The following UFD1 variants were observed in gnomAD, a reference collection of about 807,000 sequenced individuals.
The protein encoded by UFD1 is ubiquitin recognition factor in ER associated degradation 1, also known as ubiquitin recognition factor in ER-associated degradation protein 1.
UFD1 carries 13 observed loss-of-function variants against 45.9 expected under a neutral mutation model. The observed-to-expected ratio is 0.28, with a 90% CI of 0.18 to 0.45. The LOEUF (loss-of-function observed/expected upper bound fraction) is 0.45. Among genes scored for constraint, UFD1 ranks in the 20% least tolerant of loss-of-function variants. The pLI is 1.00. For synonymous variants in UFD1, 128 were observed against 139.2 expected, an observed-to-expected ratio of 0.92 and a Z score of 0.56; for missense variants, 218 against 389.2, an observed-to-expected ratio of 0.56 and a Z score of 3.70.
At chr22:19,451,233 C>G (rs920980024) in intron 11 of UFD1, 2 of 986,426 alleles carry the variant, frequency 2.0e-6, no homozygotes, top group Non-Finnish European at 2.4e-6. Context: ...AAATCTCATG[C>G]CAATAAACTT....
Position 19,454,031 on chromosome 22 carries a change from G to T in UFD1, c.849+718C>A, listed in dbSNP as rs2089702910. ...CATGTCTACAGGATGCTCAGCCCTTGCCTTCCTCTGTCCCGCCACCACCCT... is the reference window on the plus strand; with the variant it reads ...CATGTCTACAGGATGCTCAGCCCTTTCCTTCCTCTGTCCCGCCACCACCCT... On this transcript the variant is annotated intron_variant, in intron 11 of 11. Coordinates refer to ENST00000263202, the MANE Select transcript of UFD1 (RefSeq NM_005659.7). 7.1e-6 allele frequency: 7 copies of T among 985,676 alleles called. No homozygotes were observed. The South Asian group carries it at 3.3e-4, about 46-fold the overall frequency. The allele number at this position is 985,676 out of a possible 1,614,324, so 61.1% of individuals were successfully genotyped here.
intron 11 of UFD1, chr22:19,451,772 T>C (rs2089684697): frequency 1.0e-6 from 1 of 985,472 alleles, no homozygotes; most frequent in African/African-American, 1.7e-5. Flanking sequence ...CATCCTGGTG[T>C]CAATAGCTGT....
rs1234093769 is a variant in UFD1, at chr22:19,450,154, T to C, written c.*516A>G. ...TTGAAAAAAATATGTAAAATAAAAA[T>C]AGAAACATTCTTTGTCAAATACTTA... On this transcript the variant is annotated 3_prime_UTR_variant, in exon 12 of 12. Coordinates refer to ENST00000263202, the MANE Select transcript of UFD1 (RefSeq NM_005659.7). 2 of 152,474 alleles carry C rather than the reference T, an allele frequency of 1.3e-5. No individual in the cohort carries two copies. The highest frequency in any genetic ancestry group is 1.5e-5 in the Non-Finnish European group (1 of 68,266). 9.4% of individuals were successfully genotyped at this position (152,474 alleles called of 1,614,324 possible). A position where few individuals can be genotyped will look rare whatever the true frequency, so the allele number is the denominator to read the frequency against.
chr22:19,478,409 A>T (rs934876996), intron 1 of UFD1, among the ~76,000 whole-genome samples: 3 of 152,198 alleles, frequency 2.0e-5, no homozygotes, highest in Non-Finnish European at 4.4e-5. Flanking sequence ...TCCAGTCCCT[A>T]CTTCTGTGAC....
chr22:19,458,265 A>G, intron 6 of UFD1, 126 bp from the exon 7 acceptor site: 7 of 939,694 alleles, frequency 7.4e-6, no homozygotes, highest in Non-Finnish European at 1.2e-5. Context: ...GACACAACCT[A>G]CAGCTGCACT....
chr22:19,472,298 A>C (rs1323687738), intron 3 of UFD1, among the ~76,000 whole-genome samples: 1 of 152,128 alleles, frequency 6.6e-6, no homozygotes, highest in East Asian at 1.9e-4. Context: ...TGGCAGCCTG[A>C]GCAAAGGCGT....
intron 11 of UFD1, chr22:19,453,166 G>C: frequency 1.0e-6 from 1 of 985,388 alleles, no homozygotes; most frequent in Non-Finnish European, 1.2e-6. Context: ...AGCTCTAACT[G>C]CTTAGTAACA....
At chr22:19,465,105 C>A (rs1325594409) in intron 6 of UFD1, 97 bp downstream of exon 6, 2 of 1,153,548 alleles carry the variant, frequency 1.7e-6, no homozygotes, top group Non-Finnish European at 2.6e-6. Flanking sequence ...GTGATAAGAT[C>A]CAGGCATACG....
intron 7 of UFD1, among the ~76,000 whole-genome samples, chr22:19,457,460 G>A (rs1023119499): frequency 2.6e-5 from 4 of 152,170 alleles, no homozygotes; most frequent in Non-Finnish European, 5.9e-5. Context: ...AGGATGCTGT[G>A]TGCATCAGCA....
Position 19,479,127 on chromosome 22 carries a change from C to T in UFD1, c.-42G>A. ...CAGACTCCGCTCCTCTCAGGCAATG[C>T]AACGAAGAAACCCCGCCGACCGCTC... On this transcript the variant is annotated 5_prime_UTR_variant, in exon 1 of 12. Transcript: ENST00000263202. 1 of 1,608,600 alleles carries T rather than the reference C, an allele frequency of 6.2e-7. No individual in the cohort carries two copies. The highest frequency in any genetic ancestry group is 8.5e-7 in the Non-Finnish European group (1 of 1,178,180).
intron 5 of UFD1, chr22:19,466,475 T>G (rs2089802825): frequency 1.3e-5 from 2 of 152,298 alleles, no homozygotes; most frequent in African/African-American, 4.8e-5. Context: ...AGTGACGCCC[T>G]TTCTCCACAC....
intron 1 of UFD1, 80 bp downstream of exon 1, chr22:19,479,000 TCCC>T: frequency 2.8e-5 from 42 of 1,477,878 alleles, no homozygotes; most frequent in South Asian, 3.7e-5. Context: ...TCCGCCGCCG[TCCC>T]GCCCCGCCCT....
At chr22:19,455,514 G>A (rs1387250018) in intron 10 of UFD1, among the ~76,000 whole-genome samples, 166 bp downstream of exon 10, 1 of 151,960 alleles carries the variant, frequency 6.6e-6, no homozygotes, top group Admixed American at 6.6e-5. Flanking sequence ...TGTGGAAGGA[G>A]GGGCATGTTG....
chr22:19,478,939 GTGCGGCCGATGAGCC>G (rs1203816383), intron 1 of UFD1, 129 bp downstream of exon 1: 1 of 1,143,620 alleles, frequency 8.7e-7, no homozygotes, highest in Non-Finnish European at 1.2e-6. Flanking sequence ...CTTGTGCCCG[GTGCGGCCGATGAGCC>G]TGCAGGCCGG....
chr22:19,454,027 C>T, intron 11 of UFD1: 1 of 985,628 alleles, frequency 1.0e-6, no homozygotes, highest in Non-Finnish European at 1.2e-6. Context: ...GATGCTCAGC[C>T]CTTGCCTTCC....
intron 5 of UFD1, 163 bp from the exon 6 acceptor site, chr22:19,465,437 G>T: frequency 1.7e-6 from 1 of 597,918 alleles, no homozygotes; most frequent in Non-Finnish European, 3.0e-6. Context: ...AAAGAAGGAT[G>T]GAACTCCTAA....
chr22:19,469,195 G>A (rs2089826037), intron 4 of UFD1, among the ~76,000 whole-genome samples: 1 of 152,226 alleles, frequency 6.6e-6, no homozygotes, highest in Admixed American at 6.5e-5. Context: ...ATCCCCAGGA[G>A]TGATGTTCTA....
intron 6 of UFD1, among the ~76,000 whole-genome samples, 184 bp from the exon 7 acceptor site, chr22:19,458,323 T>A (rs2089739443): frequency 6.6e-6 from 1 of 152,240 alleles, no homozygotes; most frequent in South Asian, 2.1e-4. Context: ...CCTGTGCCCA[T>A]CGCTGAAGAG....
chr22:19,475,683 A>C (rs2146310637), intron 1 of UFD1, 81 bp from the exon 2 acceptor site: 1 of 1,476,604 alleles, frequency 6.8e-7, no homozygotes, highest in East Asian at 2.3e-5. Context: ...CAGAGTAATT[A>C]ATGCTACTAA....
Sources: allele counts gnomAD v4.1 joint callset (sites outside exome capture counted in the v4.1 genomes callset), GRCh38; gene constraint gnomAD v4.1.1; transcripts MANE v1.5; gene names NCBI Gene and HGNC (gene_info 2026-07-23, HGNC 2026-07-21).